The following NXN variants were observed in gnomAD, a reference collection of about 807,000 sequenced individuals.
NXN encodes the protein nucleoredoxin 1.
A neutral mutation model predicts 48.6 loss-of-function variants in NXN; 16 were observed. The observed-to-expected ratio is 0.33, with a 90% CI of 0.22 to 0.50. NXN has a LOEUF of 0.50. NXN is among the 20% of genes least tolerant of loss of function. The pLI is 0.98. For synonymous variants in NXN, 281 were observed against 269.6 expected (o/e 1.04, Z -0.41); for missense variants, 492 against 605.5 (o/e 0.81, Z 1.97).
intron 1 of NXN, among the ~76,000 whole-genome samples, chr17:860,048 G>A (rs1347071739): frequency 6.6e-6 from 1 of 152,088 alleles, no homozygotes; most frequent in Non-Finnish European, 1.5e-5. Context: ...TAAGGAAAAC[G>A]CTCACTCCCG....
chr17:843,063 G>A (rs200754348), intron 1 of NXN, among the ~76,000 whole-genome samples: 28 of 137,756 alleles, frequency 2.0e-4, no homozygotes, highest in South Asian at 4.9e-4. Flanking sequence ...AAAGAAGGAA[G>A]AAAGCAAGCA....
intron 5 of NXN, chr17:819,215 G>A: frequency 3.7e-6 from 2 of 538,006 alleles, no homozygotes; most frequent in South Asian, 3.9e-5. Context: ...CCAAAGTGCT[G>A]GGGTTACAGT....
At chr17:952,147 A>G (rs7216820) in intron 1 of NXN, among the ~76,000 whole-genome samples, 121,020 of 128,662 alleles carry the variant, frequency 0.94, 57,298 homozygotes, top group Non-Finnish European at 0.99. Flanking sequence ...AGGCCACAGG[A>G]GGTTGCAGAA....
chr17:954,687 T>G (rs1258166282), intron 1 of NXN, among the ~76,000 whole-genome samples: 1 of 152,194 alleles, frequency 6.6e-6, no homozygotes, highest in African/African-American at 2.4e-5. Context: ...GGGGGCTAAC[T>G]GCCCGGACGG....
At chr17:948,559 C>G (rs561373334) in intron 1 of NXN, among the ~76,000 whole-genome samples, 2 of 151,952 alleles carry the variant, frequency 1.3e-5, no homozygotes, top group African/African-American at 2.4e-5. Context: ...GGGGACCTAG[C>G]GGTGAACAAG....
At chr17:833,489 T>G (rs1913611108) in intron 1 of NXN, among the ~76,000 whole-genome samples, 1 of 152,160 alleles carries the variant, frequency 6.6e-6, no homozygotes, top group African/African-American at 2.4e-5. Flanking sequence ...CTCTGCACCC[T>G]TTCAAGTGTG....
rs567974046 is a variant in NXN, at chr17:833,186, C to G, written c.361-7108G>C. Among the ~76,000 whole-genome samples the G allele has an allele frequency of 8.5e-5, 13 of 152,242 alleles. No individual in the cohort carries two copies. The South Asian group carries it at 2.7e-3, about 32-fold the overall frequency. On this transcript the variant is annotated intron_variant, in intron 1 of 7. Coordinates refer to ENST00000336868, the MANE Select transcript of NXN (RefSeq NM_022463.5). ...GATTACAGGCATGAGCCACCGCACC[C>G]GGCCGAAAAGTTATTTCTTTTACAG...
intron 1 of NXN, among the ~76,000 whole-genome samples, chr17:839,008 A>C (rs1209585775): frequency 2.0e-5 from 3 of 152,156 alleles, no homozygotes; most frequent in Non-Finnish European, 4.4e-5. Flanking sequence ...CCACCAGGGG[A>C]ACTCCAGCCA....
At chr17:926,741 C>T (rs112449859) in intron 1 of NXN, among the ~76,000 whole-genome samples, 17,429 of 33,390 alleles carry the variant, frequency 0.52, 1,193 homozygotes, top group African/African-American at 0.53. Flanking sequence ...GATGGGGTTT[C>T]GTCATGTTCC....
At chr17:891,887 T>C (rs76590201) in intron 1 of NXN, among the ~76,000 whole-genome samples, 9,224 of 68,532 alleles carry the variant, frequency 0.13, 109 homozygotes, top group Middle Eastern at 0.21. Flanking sequence ...CCCCACCATG[T>C]ACAACCCAAC....
Position 819,595 on chromosome 17 carries a change from A to G in NXN, c.714-50T>C. 3 of 1,295,534 alleles carry G rather than the reference A, an allele frequency of 2.3e-6. No homozygotes were observed. The East Asian group carries it at 7.0e-5, about 30-fold the overall frequency. 80.3% of individuals were successfully genotyped at this position (1,295,534 alleles called of 1,614,324 possible). A position where few individuals can be genotyped will look rare whatever the true frequency, so the allele number is the denominator to read the frequency against. Reference sequence around the variant, plus strand: ...CAAGGCTCAGTATCCCCACTGCACCAACGCTGAATCCTCCCACCTCTGCCG... The same window carrying G: ...CAAGGCTCAGTATCCCCACTGCACCGACGCTGAATCCTCCCACCTCTGCCG... On this transcript the variant is annotated intron_variant, in intron 4 of 7. Coordinates refer to ENST00000336868, the MANE Select transcript of NXN (RefSeq NM_022463.5).
At chr17:909,420 A>G (rs1349157311) in intron 1 of NXN, among the ~76,000 whole-genome samples, 2 of 152,108 alleles carry the variant, frequency 1.3e-5, no homozygotes, top group African/African-American at 2.4e-5. Context: ...ACAGACCTGC[A>G]CTGTTGAGAA....
At chr17:883,353 G>A (rs954551041) in intron 1 of NXN, among the ~76,000 whole-genome samples, 14 of 151,386 alleles carry the variant, frequency 9.2e-5, no homozygotes, top group Middle Eastern at 3.4e-3. Flanking sequence ...TCCCACCCCT[G>A]CCCCCCGCCC....
intron 1 of NXN, among the ~76,000 whole-genome samples, chr17:938,824 C>G (rs1175863272): frequency 3.3e-5 from 5 of 152,122 alleles, no homozygotes; most frequent in Non-Finnish European, 7.3e-5. Context: ...CTTTGGTAGG[C>G]CGAGGCGGGC....
chr17:822,674 C>A (rs914087862), intron 3 of NXN, among the ~76,000 whole-genome samples: 1 of 152,054 alleles, frequency 6.6e-6, no homozygotes, highest in Non-Finnish European at 1.5e-5. Flanking sequence ...CTGGGCAACA[C>A]AGCAAGACCT....
chr17:811,507 G>A (rs1425844704), intron 5 of NXN, among the ~76,000 whole-genome samples: 7 of 145,820 alleles, frequency 4.8e-5, no homozygotes, highest in South Asian at 2.2e-4. Context: ...AAGCCCCGGG[G>A]TTGGGGGGGG....
intron 1 of NXN, among the ~76,000 whole-genome samples, chr17:951,174 T>TAAAA (rs1567516128): frequency 0.021 from 1,445 of 67,508 alleles, 440 homozygotes; most frequent in Middle Eastern, 0.053. Context: ...CTGTCTCTAC[T>TAAAA]TAAAAAAAAA....
rs531042214 is a variant in NXN, at chr17:961,020, G to A, written c.360+18299C>T. Among the ~76,000 whole-genome samples the A allele has an allele frequency of 4.6e-5, 7 of 151,504 alleles. No homozygotes were observed. In the East Asian group the frequency reaches 9.8e-4, roughly 21 times the overall value. On this transcript the variant is annotated intron_variant, in intron 1 of 7. Transcript: ENST00000336868. ...AGGATAGTCTCGATCTCCTGACCTC[G>A]TGATCTGCCTGCCTCGGCCTCCCAA...
intron 1 of NXN, among the ~76,000 whole-genome samples, chr17:900,157 T>C (rs561808013): frequency 8.6e-5 from 13 of 151,480 alleles, no homozygotes; most frequent in African/African-American, 3.1e-4. Context: ...CCCAGCTACT[T>C]AGGAGGCTGA....
Sources: gnomAD v4.1 joint callset for allele counts (sites outside exome capture counted in the v4.1 genomes callset) on GRCh38, gnomAD v4.1.1 for gene constraint, MANE v1.5 for transcripts, NCBI Gene and HGNC (gene_info 2026-07-23, HGNC 2026-07-21) for gene names.